HSD17B4: variants seen among roughly 807,000 people sequenced by gnomAD.
HSD17B4 encodes the protein hydroxysteroid 17-beta dehydrogenase 4.
A neutral mutation model predicts 101.0 loss-of-function variants in HSD17B4; 70 were observed. That is an observed-to-expected ratio of 0.69 (90% CI 0.57 to 0.85). The LOEUF (loss-of-function observed/expected upper bound fraction) is 0.85. HSD17B4 is among the 40% of genes least tolerant of loss of function. The pLI is 0.00. For synonymous variants in HSD17B4, 347 were observed against 297.1 expected, an observed-to-expected ratio of 1.17 and a Z score of -1.73; for missense variants, 984 against 892.4, an observed-to-expected ratio of 1.10 and a Z score of -1.31.
chr5:119,505,783 G>A (rs1328204996), intron 14 of HSD17B4, among the ~76,000 whole-genome samples: 1 of 151,092 alleles, frequency 6.6e-6, no homozygotes, highest in Admixed American at 6.6e-5. Flanking sequence ...TTGCAGTATT[G>A]TGTTGAATAG....
At chr5:119,510,945 C>T (rs1752113008) in intron 16 of HSD17B4, among the ~76,000 whole-genome samples, 1 of 152,152 alleles carries the variant, frequency 6.6e-6, no homozygotes, top group Non-Finnish European at 1.5e-5. Flanking sequence ...TCCATCCAGC[C>T]CCCACTTACA....
intron 19 of HSD17B4, among the ~76,000 whole-genome samples, chr5:119,526,282 T>TTG (rs1554068325): frequency 1.7e-5 from 1 of 59,354 alleles, no homozygotes; most frequent in Non-Finnish European, 3.3e-5. Context: ...GGTGCATATA[T>TTG]TATATATATA....
chr5:119,525,929 C>G lies in HSD17B4; in HGVS notation c.1586C>G (p.Pro529Arg), dbSNP rs1554068269. 1.2e-6 allele frequency: 2 copies of G among 1,602,408 alleles called. No individual in the cohort carries two copies. The highest frequency in any genetic ancestry group is 1.7e-6 in the Non-Finnish European group (2 of 1,169,788). ...NFASLAGFDK[P>R]ILHGLCTFGF... Reference sequence around the variant, plus strand: ...TCTCTTTTCCTAGGTTTTGACAAGCCCATATTACATGGATTATGTACATTT... The same window carrying G: ...TCTCTTTTCCTAGGTTTTGACAAGCGCATATTACATGGATTATGTACATTT... The change falls in exon 19 of 24, where the codon CCC becomes CGC. Residue 529 changes from proline to arginine, a missense_variant. By Grantham distance (103) the Pro-to-Arg change is moderately radical (BLOSUM62 -2). Coordinates refer to ENST00000510025, the MANE Select transcript of HSD17B4 (RefSeq NM_000414.4).
intron 16 of HSD17B4, among the ~76,000 whole-genome samples, chr5:119,513,003 AAAAATTAG>A (rs1752310171): frequency 6.6e-6 from 1 of 152,248 alleles, no homozygotes; most frequent in Admixed American, 6.5e-5. Flanking sequence ...AAGCTGTTTG[AAAAATTAG>A]TATTGATCAA....
intron 2 of HSD17B4, 101 bp downstream of exon 2, chr5:119,456,469 A>G (rs1230881622): frequency 4.7e-6 from 4 of 850,700 alleles, no homozygotes; most frequent in Non-Finnish European, 8.0e-6. Flanking sequence ...TCAAGGTTGA[A>G]TTTTATTATT....
intron 15 of HSD17B4, among the ~76,000 whole-genome samples, chr5:119,507,921 C>A (rs1214251009): frequency 6.6e-6 from 1 of 151,834 alleles, no homozygotes; most frequent in African/African-American, 2.4e-5. Flanking sequence ...AACCCAAGAA[C>A]AGTATAAAGT....
At chr5:119,484,237 A>G (rs956250963) in intron 8 of HSD17B4, among the ~76,000 whole-genome samples, 7 of 152,156 alleles carry the variant, frequency 4.6e-5, no homozygotes, top group African/African-American at 1.4e-4. Context: ...CGTTTATTCA[A>G]GAATCTAATT....
intron 2 of HSD17B4, among the ~76,000 whole-genome samples, chr5:119,465,370 C>T (rs1041956466): frequency 6.6e-6 from 1 of 152,194 alleles, no homozygotes; most frequent in African/African-American, 2.4e-5. Flanking sequence ...TAAGTGAGTT[C>T]TTACTCAGTT....
rs752303191 is a variant in HSD17B4 at position 119,477,490 on chromosome 5, G to T, written c.423G>T (p.Gln141His). 6.2e-7 allele frequency: 1 copy of T among 1,611,488 alleles called. No individual in the cohort carries two copies. The highest frequency in any genetic ancestry group is 8.5e-7 in the Non-Finnish European group (1 of 1,177,714). ...CAGCATGGGAACACATGAAGAAACA[G>T]AAGTATGGAAGGTAGAGTTGCATGT... is the stretch of plus-strand genomic sequence containing the variant. Reference protein sequence around the residue: ...TRAAWEHMKKQKYGRIIMTSS... With the variant: ...TRAAWEHMKKHKYGRIIMTSS... The change falls in exon 7 of 24, where the codon CAG (glutamine) becomes CAT (histidine). Residue 141 changes from glutamine to histidine, a missense_variant. Transcript: ENST00000510025.
At chr5:119,526,783 T>C (rs1161282096) in intron 19 of HSD17B4, among the ~76,000 whole-genome samples, 1 of 151,918 alleles carries the variant, frequency 6.6e-6, no homozygotes, top group Non-Finnish European at 1.5e-5. Context: ...CCAGGCCTCA[T>C]TCCTTAGACT....
chr5:119,486,860 AT>A (rs1749655676), intron 8 of HSD17B4, among the ~76,000 whole-genome samples: 1 of 152,064 alleles, frequency 6.6e-6, no homozygotes, highest in South Asian at 2.1e-4. Context: ...AAATTCCAAC[AT>A]TTCTATTCCA....
chr5:119,514,695 A>G (rs1752458738), intron 16 of HSD17B4, among the ~76,000 whole-genome samples: 1 of 152,176 alleles, frequency 6.6e-6, no homozygotes. Context: ...TTACATAGGG[A>G]GTAACTGTCC....
intron 8 of HSD17B4, among the ~76,000 whole-genome samples, chr5:119,487,864 T>TTAAACA (rs1440060989): frequency 2.0e-5 from 3 of 152,114 alleles, no homozygotes; most frequent in African/African-American, 7.2e-5. Flanking sequence ...TAATGTACAA[T>TTAAACA]TTGAGATGGT....
chr5:119,476,639 G>A (rs940651506), intron 6 of HSD17B4: 2 of 985,146 alleles, frequency 2.0e-6, no homozygotes, highest in Non-Finnish European at 1.2e-6. Context: ...GTAACAACTG[G>A]GGTAAAAAAG....
intron 2 of HSD17B4, among the ~76,000 whole-genome samples, chr5:119,472,856 A>G (rs7706359): frequency 0.11 from 17,480 of 152,286 alleles, 1,155 homozygotes; most frequent in Middle Eastern, 0.16. Context: ...GATACCGCAC[A>G]TAAGTGGAAT....
At chr5:119,507,549 T>A (rs1260897269) in intron 15 of HSD17B4, among the ~76,000 whole-genome samples, 3 of 151,998 alleles carry the variant, frequency 2.0e-5, no homozygotes, top group Non-Finnish European at 4.4e-5. Context: ...TTTGGGAGGC[T>A]GAGGCGGGCG....
At position 119,535,620 on chromosome 5, in the gene HSD17B4, A is replaced by T. The variant is rs540046941; in HGVS notation, c.1994-803A>T. 4.0e-5 allele frequency: 6 copies of T among 149,854 alleles called. No individual in the cohort carries two copies. The East Asian group carries it at 1.2e-3, about 29-fold the overall frequency. The allele number at this position is 149,854 out of a possible 1,614,324, so 9.3% of individuals were successfully genotyped here. The stretch of plus-strand genomic sequence containing the variant: ...TCTTGGTGTGATTTTTAAAAACTTA[A>T]TTTTTAACCTGGGTTTTTTTCTTTG... On this transcript the variant is annotated intron_variant, in intron 22 of 23. Coordinates refer to ENST00000510025, the MANE Select transcript of HSD17B4 (RefSeq NM_000414.4).
chr5:119,531,339 T>G lies in HSD17B4; in HGVS notation c.1928T>G (p.Val643Gly). 6.2e-7 allele frequency: 1 copy of G among 1,613,604 alleles called. No homozygotes were observed. The stretch of plus-strand genomic sequence containing the variant: ...CTAAAGGATATTGGGCCTGAGGTGG[T>G]GAAGAAAGTAAATGCTGTATTTGAG... The part of the protein sequence containing the change: ...RRLKDIGPEV[V>G]KKVNAVFEWH... Residue 643 changes from valine (V) to glycine (G), a missense_variant, in exon 22 of 24, where the codon GTG becomes GGG. Val to Gly is a moderately radical substitution (Grantham distance 109, BLOSUM62 -3). Transcript: ENST00000510025.
At chr5:119,458,196 T>G (rs1754862182) in intron 2 of HSD17B4, among the ~76,000 whole-genome samples, 1 of 152,220 alleles carries the variant, frequency 6.6e-6, no homozygotes, top group Non-Finnish European at 1.5e-5. Flanking sequence ...AGATTTAGTT[T>G]AGTATTAAGG....
Sources: allele counts gnomAD v4.1 joint callset (sites outside exome capture counted in the v4.1 genomes callset), GRCh38; gene constraint gnomAD v4.1.1; transcripts MANE v1.5; gene names NCBI Gene and HGNC (gene_info 2026-07-23, HGNC 2026-07-21).